The following SRC variants were observed in gnomAD, a reference collection of about 807,000 sequenced individuals.
SRC encodes the protein proto-oncogene tyrosine-protein kinase Src.
SRC carries 13 observed loss-of-function variants against 62.9 expected under a neutral mutation model. The ratio of observed to expected loss-of-function variants is 0.21; its 90% CI spans 0.13 to 0.33. The LOEUF (loss-of-function observed/expected upper bound fraction) is 0.33, where lower values mean the gene tolerates loss of function less well. SRC is among the 10% of genes least tolerant of loss of function. The pLI, the probability that SRC is intolerant of heterozygous loss-of-function variation, is 1.00. For missense variants in SRC, 457 were observed against 737.3 expected (o/e 0.62, Z 4.40); for synonymous variants, 302 against 317.5 (o/e 0.95, Z 0.52).
intron 1 of SRC, among the ~76,000 whole-genome samples, chr20:37,361,121 T>G (rs1477581588): frequency 2.4e-4 from 31 of 128,972 alleles, no homozygotes; most frequent in African/African-American, 5.4e-4. Context: ...AAAGGGGAGG[T>G]GGGTGGTGGA....
At chr20:37,350,090 G>A (rs1372710417) in intron 1 of SRC, among the ~76,000 whole-genome samples, 2 of 152,170 alleles carry the variant, frequency 1.3e-5, no homozygotes, top group Admixed American at 1.3e-4. Flanking sequence ...GCCTCGGTGT[G>A]TGTCCCCACA....
chr20:37,360,608 C>T (rs2069954882), intron 1 of SRC, among the ~76,000 whole-genome samples: 1 of 152,190 alleles, frequency 6.6e-6, no homozygotes, highest in Non-Finnish European at 1.5e-5. Context: ...TGTCTCTGGA[C>T]TTCCCCCTCC....
intron 3 of SRC, among the ~76,000 whole-genome samples, 190 bp from the exon 4 acceptor site, chr20:37,383,960 T>G (rs552586382): frequency 1.3e-3 from 191 of 151,110 alleles, no homozygotes; most frequent in East Asian, 2.4e-3. Flanking sequence ...GGTCTCAAAC[T>G]CCTGATCTCA....
Position 37,402,641 on chromosome 20 carries a change from C to A in SRC, c.1270+53C>A, listed in dbSNP as rs563471713. 2.5e-6 allele frequency: 4 copies of A among 1,576,338 alleles called. No individual in the cohort carries two copies. The South Asian group carries it at 4.7e-5, about 18-fold the overall frequency. On this transcript the variant is annotated intron_variant, in intron 12 of 13. Coordinates refer to ENST00000373578, the MANE Select transcript of SRC (RefSeq NM_198291.3). The surrounding 1 kb of genome is among the most constrained non-coding windows in gnomAD (Gnocchi z 6.2). ...GCTTGGCCTGGGACAGGTCACGTCC[C>A]GCTCTGAGCCCCAGTTTTTTCCTCA...
intron 2 of SRC, among the ~76,000 whole-genome samples, chr20:37,378,336 T>C (rs187687649): frequency 1.3e-5 from 2 of 151,940 alleles, no homozygotes; most frequent in African/African-American, 4.8e-5. Context: ...AGAGATACAG[T>C]CTCACTATGT....
chr20:37,394,427 G>A, intron 7 of SRC, 150 bp downstream of exon 7: 3 of 668,886 alleles, frequency 4.5e-6, no homozygotes, highest in Non-Finnish European at 7.9e-6. Context: ...TCAGGGAGGT[G>A]CATTTGAGGA....
At chr20:37,381,395 C>T (rs949958284) in intron 2 of SRC, among the ~76,000 whole-genome samples, 1 of 152,224 alleles carries the variant, frequency 6.6e-6, no homozygotes, top group Non-Finnish European at 1.5e-5. Context: ...CTTCATGGCA[C>T]ATCAGCCAAG....
Position 37,376,145 on chromosome 20 carries a change from G to A in SRC, c.-172-6474G>A, listed in dbSNP as rs145218109. Among the ~76,000 whole-genome samples the A allele has an allele frequency of 3.0e-4, 46 of 152,332 alleles. No homozygotes were observed. The East Asian group carries it at 8.3e-3, about 27-fold the overall frequency. On this transcript the variant is annotated intron_variant, in intron 2 of 13. Transcript: ENST00000373578. ...CTTTTCTGGGTTCTTTCCCTGTAAA[G>A]GGGCTTTTGTAGGCCTTGGCTCCTA...
rs1298393351 is a variant in SRC, at chr20:37,405,908, GCA to G, written c.*2534_*2535del. ...TCCTCCCTCCTTCCCCACCACCGAA[GCA>G]CACAGTCTTGAAGGTTGATTTGCAA... On this transcript the variant is annotated 3_prime_UTR_variant, in exon 14 of 14. Coordinates refer to ENST00000373578, the MANE Select transcript of SRC (RefSeq NM_198291.3). The G allele has an allele frequency of 6.6e-6, 1 of 152,316 alleles. No individual in the cohort carries two copies. The highest frequency in any genetic ancestry group is 2.4e-5 in the African/African-American group (1 of 41,436). 9.4% of individuals were successfully genotyped at this position (152,316 alleles called of 1,614,324 possible).
intron 5 of SRC, 127 bp from the exon 6 acceptor site, chr20:37,393,768 C>CCCA (rs2070591850): frequency 1.5e-6 from 1 of 674,934 alleles, no homozygotes; most frequent in Non-Finnish European, 2.6e-6. Context: ...TCACGCTGGC[C>CCCA]CCACCACCTC....
chr20:37,389,126 T>C (rs536651874), intron 5 of SRC, among the ~76,000 whole-genome samples: 1 of 152,192 alleles, frequency 6.6e-6, no homozygotes, highest in Admixed American at 6.5e-5. Context: ...GCGCCATGGA[T>C]CTTGCTGCCA....
chr20:37,393,525 TC>T (rs1036156007), intron 5 of SRC, among the ~76,000 whole-genome samples: 1 of 147,210 alleles, frequency 6.8e-6, no homozygotes, highest in African/African-American at 2.5e-5. Context: ...GGGGGTTCCC[TC>T]CCTCCCTCCC....
intron 5 of SRC, chr20:37,386,543 T>C: frequency 4.3e-6 from 3 of 704,418 alleles, no homozygotes; most frequent in Non-Finnish European, 7.8e-6. Flanking sequence ...GGCTGCTGTC[T>C]GCATGTGCTT....
chr20:37,359,846 G>C (rs1040265261), intron 1 of SRC, among the ~76,000 whole-genome samples: 6 of 152,122 alleles, frequency 3.9e-5, no homozygotes, highest in Admixed American at 2.6e-4. Context: ...CTTAGTCTAG[G>C]GGGTGGCGGT....
chr20:37,402,958 C>A lies in SRC; in HGVS notation c.1402+78C>A, dbSNP rs2070764128. ...GGCCTTGGGCAAGTCATGACTCCTGCTGGGCCTGTTTCCCCACCCGTAAAA... is the reference window on the plus strand; with the variant it reads ...GGCCTTGGGCAAGTCATGACTCCTGATGGGCCTGTTTCCCCACCCGTAAAA... On this transcript the variant is annotated intron_variant, in intron 13 of 13. Transcript: ENST00000373578. The surrounding 1 kb of genome is among the most constrained non-coding windows in gnomAD (Gnocchi z 6.2). 2 of 1,526,312 alleles carry A rather than the reference C, an allele frequency of 1.3e-6. No homozygotes were observed. Among genetic ancestry groups the A allele is most frequent in the African/African-American group, 1.4e-5 (1 of 71,966 alleles). The allele number at this position is 1,526,312 out of a possible 1,614,324, so 94.5% of individuals were successfully genotyped here. A position where few individuals can be genotyped will look rare whatever the true frequency, so the allele number is the denominator to read the frequency against.
chr20:37,389,553 G>A (rs2147074913), intron 5 of SRC, among the ~76,000 whole-genome samples: 1 of 152,302 alleles, frequency 6.6e-6, no homozygotes, highest in East Asian at 1.9e-4. Context: ...TGACCTCCTG[G>A]CCACTGCCCA....
intron 5 of SRC, among the ~76,000 whole-genome samples, chr20:37,389,711 C>A (rs973762025): frequency 6.6e-6 from 1 of 152,226 alleles, no homozygotes; most frequent in African/African-American, 2.4e-5. Context: ...CTGAGCCACA[C>A]GCCACCCTGG....
chr20:37,369,132 CTTTG>C (rs2146972130), intron 2 of SRC, among the ~76,000 whole-genome samples: 1 of 152,310 alleles, frequency 6.6e-6, no homozygotes, highest in South Asian at 2.1e-4. Context: ...AGTCCTCAAA[CTTTG>C]TTTTTCTTAA....
At chr20:37,392,025 C>A (rs998870133) in intron 5 of SRC, among the ~76,000 whole-genome samples, 5 of 152,090 alleles carry the variant, frequency 3.3e-5, no homozygotes, top group Admixed American at 1.3e-4. Context: ...AGTGTGGACA[C>A]CCCGGGTGGG....
Sources: allele counts gnomAD v4.1 joint callset (sites outside exome capture counted in the v4.1 genomes callset), GRCh38; gene constraint gnomAD v4.1.1; non-coding constraint Gnocchi (gnomAD v3.1); transcripts MANE v1.5; gene names NCBI Gene and HGNC (gene_info 2026-07-23, HGNC 2026-07-21).